Variants in ADK observed in about 807,000 individuals in gnomAD.
The protein encoded by ADK is adenosine kinase, also known as N6,N6-dimethyladenosine kinase.
In ADK, 24 loss-of-function variants were observed where a neutral mutation model predicts 44.7. The observed-to-expected ratio is 0.54, with a 90% confidence interval of 0.39 to 0.76. ADK has a LOEUF of 0.76. Among genes scored for constraint, ADK ranks in the 30% least tolerant of loss-of-function variants. The probability of loss-of-function intolerance (pLI) is 0.00; values close to 1 mark genes in which losing one functional copy is unlikely to be tolerated. For synonymous variants in ADK, 128 were observed against 142.6 expected, an observed-to-expected ratio of 0.90 and a Z score of 0.73; for missense variants, 321 against 425.1, an observed-to-expected ratio of 0.76 and a Z score of 2.15.
intron 9 of ADK, among the ~76,000 whole-genome samples, chr10:74,640,219 C>T (rs371684145): frequency 6.6e-6 from 1 of 152,162 alleles, no homozygotes; most frequent in South Asian, 2.1e-4. Context: ...TGAGGCAGGG[C>T]CTTGAAAGTG....
intron 6 of ADK, among the ~76,000 whole-genome samples, chr10:74,465,558 A>G (rs557832649): frequency 1.6e-4 from 25 of 152,326 alleles, no homozygotes; most frequent in African/African-American, 6.0e-4. Flanking sequence ...AGATAGAAAT[A>G]GGGAGATCAC....
At chr10:74,552,389 TTTG>T (rs771791222) in intron 7 of ADK, among the ~76,000 whole-genome samples, 22 of 152,248 alleles carry the variant, frequency 1.4e-4, no homozygotes, top group Non-Finnish European at 2.6e-4. Context: ...TTCAAAAGGG[TTTG>T]TTAATTCAAA....
At chr10:74,552,435 A>G (rs1850067294) in intron 7 of ADK, among the ~76,000 whole-genome samples, 1 of 152,214 alleles carries the variant, frequency 6.6e-6, no homozygotes, top group South Asian at 2.1e-4. Context: ...TTCAAATAGT[A>G]GACTGAGGGT....
intron 7 of ADK, among the ~76,000 whole-genome samples, chr10:74,561,170 G>A (rs1850443929): frequency 6.6e-6 from 1 of 152,214 alleles, no homozygotes; most frequent in African/African-American, 2.4e-5. Flanking sequence ...AGTTTTACTA[G>A]TCAAATGGAG....
chr10:74,193,042 C>T lies in ADK; in HGVS notation c.66-7722C>T, dbSNP rs185135845. On this transcript the variant is annotated intron_variant, in intron 1 of 10. Coordinates refer to ENST00000539909, the MANE Select transcript of ADK (RefSeq NM_006721.4). ...AGTTTTTAAAAAAGTATTTTGAAGCCATTTTATTTGGTGTGTACATATTTT... is the reference window on the plus strand; with the variant it reads ...AGTTTTTAAAAAAGTATTTTGAAGCTATTTTATTTGGTGTGTACATATTTT... Among the ~76,000 whole-genome samples, 6 of 152,152 alleles carry T rather than the reference C, an allele frequency of 3.9e-5. No individual in the cohort carries two copies. In the East Asian group the frequency reaches 1.2e-3, roughly 29 times the overall value.
intron 3 of ADK, among the ~76,000 whole-genome samples, chr10:74,270,265 A>G (rs1349750806): frequency 6.6e-6 from 1 of 152,228 alleles, no homozygotes. Context: ...AAACGGTTGA[A>G]AATATTCAAT....
At chr10:74,195,793 C>T (rs1843121564) in intron 1 of ADK, among the ~76,000 whole-genome samples, 2 of 143,402 alleles carry the variant, frequency 1.4e-5, no homozygotes, top group African/African-American at 5.1e-5. Context: ...TCTTCCACCT[C>T]AGCTTCCCTA....
intron 7 of ADK, among the ~76,000 whole-genome samples, chr10:74,561,114 A>G (rs1375973166): frequency 6.6e-6 from 1 of 152,208 alleles, no homozygotes; most frequent in Non-Finnish European, 1.5e-5. Context: ...GGCTGCAGTC[A>G]TTCCTAGAAT....
intron 3 of ADK, among the ~76,000 whole-genome samples, chr10:74,264,887 T>C (rs1341240363): frequency 6.6e-6 from 1 of 152,098 alleles, no homozygotes; most frequent in Non-Finnish European, 1.5e-5. Context: ...TGCATGGGGG[T>C]CAATTTCTGG....
At chr10:74,532,672 TG>T (rs1486132633) in intron 7 of ADK, among the ~76,000 whole-genome samples, 1 of 151,848 alleles carries the variant, frequency 6.6e-6, no homozygotes, top group East Asian at 1.9e-4. Flanking sequence ...AGGCCGAGGC[TG>T]GTGGATCATT....
chr10:74,641,971 A>G (rs1197713534), intron 9 of ADK, among the ~76,000 whole-genome samples: 1 of 152,206 alleles, frequency 6.6e-6, no homozygotes, highest in Non-Finnish European at 1.5e-5. Flanking sequence ...TCTTCTATGA[A>G]ATCAAAACTA....
chr10:74,260,080 AT>A (rs1285356218), intron 3 of ADK, among the ~76,000 whole-genome samples: 4 of 152,126 alleles, frequency 2.6e-5, no homozygotes, highest in Admixed American at 2.6e-4. Context: ...CAAAGGTAAT[AT>A]GTGTACATGG....
intron 4 of ADK, among the ~76,000 whole-genome samples, chr10:74,341,247 C>T (rs1365187672): frequency 1.3e-5 from 2 of 151,856 alleles, no homozygotes; most frequent in African/African-American, 2.4e-5. Flanking sequence ...TATATCTGTG[C>T]GGTGGCTTAC....
At chr10:74,521,231 C>T (rs1848821472) in intron 6 of ADK, among the ~76,000 whole-genome samples, 1 of 152,006 alleles carries the variant, frequency 6.6e-6, no homozygotes, top group Admixed American at 6.6e-5. Flanking sequence ...TAAAGAAAAA[C>T]AAGAGATCAT....
At chr10:74,598,440 CCTTTTTT>C (rs1428678652) in intron 8 of ADK, among the ~76,000 whole-genome samples, 2 of 114,072 alleles carry the variant, frequency 1.8e-5, no homozygotes, top group Non-Finnish European at 3.3e-5. Context: ...GAATCTTATT[CCTTTTTT>C]TTTTTTTTTT....
chr10:74,561,081 CAT>C (rs2133815965), intron 7 of ADK, among the ~76,000 whole-genome samples: 1 of 152,274 alleles, frequency 6.6e-6, no homozygotes, highest in African/African-American at 2.4e-5. Context: ...CTGCTGAGGA[CAT>C]GTTACTGGTC....
In ADK at chr10:74,151,472, C is replaced by T. The variant is rs376897237; in HGVS notation, c.65+129C>T. 72 of 979,994 alleles carry T rather than the reference C, an allele frequency of 7.3e-5. 2 individuals carry two copies. In the African/African-American group the frequency reaches 1.1e-3, roughly 15 times the overall value. 60.7% of individuals were successfully genotyped at this position (979,994 alleles called of 1,614,324 possible). On this transcript the variant is annotated intron_variant, in intron 1 of 10. Coordinates refer to ENST00000539909, the MANE Select transcript of ADK (RefSeq NM_006721.4). The stretch of plus-strand genomic sequence containing the variant: ...AGCTTGGGGCCAACACGCAGGACCT[C>T]CCCCAGCTGCCCGCTTGGCCGCGAC...
chr10:74,237,515 G>T (rs932792663), intron 3 of ADK, among the ~76,000 whole-genome samples: 3 of 152,090 alleles, frequency 2.0e-5, no homozygotes, highest in Admixed American at 1.3e-4. Flanking sequence ...TTGATGTTTT[G>T]ACCTCCTCCC....
At chr10:74,268,127 G>A (rs7085334) in intron 3 of ADK, among the ~76,000 whole-genome samples, 98,589 of 151,806 alleles carry the variant, frequency 0.65, 33,264 homozygotes, top group Middle Eastern at 0.8. Flanking sequence ...GTTTGAGACC[G>A]CTCTGGGCAG....
Sources: allele counts gnomAD v4.1 joint callset (sites outside exome capture counted in the v4.1 genomes callset), GRCh38; gene constraint gnomAD v4.1.1; transcripts MANE v1.5; gene names NCBI Gene and HGNC (gene_info 2026-07-23, HGNC 2026-07-21).